The following SEMA4D variants were observed in gnomAD, a reference collection of about 807,000 sequenced individuals.
SEMA4D encodes semaphorin-4D.
Under a neutral mutation model 74.8 loss-of-function variants are expected in SEMA4D, and 22 were observed. The ratio of observed to expected loss-of-function variants is 0.29; its 90% CI spans 0.21 to 0.42. SEMA4D has a LOEUF of 0.42. Among genes scored for constraint, SEMA4D ranks in the 10% least tolerant of loss-of-function variants. SEMA4D has a pLI of 1.00. For missense variants in SEMA4D, 937 were observed against 1,118.4 expected (o/e 0.84, Z 2.31); for synonymous variants, 445 against 463.7 (o/e 0.96, Z 0.52).
chr9:89,465,921 C>T (rs1363027536), intron 1 of SEMA4D, among the ~76,000 whole-genome samples: 1 of 152,198 alleles, frequency 6.6e-6, no homozygotes, highest in Non-Finnish European at 1.5e-5. Flanking sequence ...CCAGCTTTAG[C>T]CGATGGGAAG....
chr9:89,492,364 CCTCTT>C lies in SEMA4D; in HGVS notation c.-310+5550_-310+5554del, dbSNP rs1825696117. Among the ~76,000 whole-genome samples, 3 of 152,100 alleles carry C rather than the reference CCTCTT, an allele frequency of 2.0e-5. No homozygotes were observed. Reference sequence around the variant, plus strand: ...TCTTGTTCCAGGCTCAGTCCTCGGACCTCTTCTCTTTTCCATCTACCTCAACTCCC... The same window carrying C: ...TCTTGTTCCAGGCTCAGTCCTCGGACCTCTTTTCCATCTACCTCAACTCCC... On this transcript the variant is annotated intron_variant, in intron 1 of 15. Coordinates refer to ENST00000422704, the MANE Select transcript of SEMA4D (RefSeq NM_001371194.2). This position sits in a 1 kb window ranked among gnomAD's most constrained non-coding sequence, Gnocchi z 4.3.
At chr9:89,368,656 TTC>T (rs1834063808) in intron 16 of SEMA4D, 1 of 152,392 alleles carries the variant, frequency 6.6e-6, no homozygotes, top group Non-Finnish European at 1.5e-5. Flanking sequence ...GACAGCTCCC[TTC>T]TCTGAGTCCT....
intron 1 of SEMA4D, among the ~76,000 whole-genome samples, chr9:89,470,659 A>G (rs1392506329): frequency 6.6e-6 from 1 of 152,226 alleles, no homozygotes; most frequent in African/African-American, 2.4e-5. Flanking sequence ...AGAAAAGCTC[A>G]TACACAAATG....
At chr9:89,485,813 A>G (rs1254844132) in intron 1 of SEMA4D, among the ~76,000 whole-genome samples, 1 of 94,680 alleles carries the variant, frequency 1.1e-5, no homozygotes, top group East Asian at 2.0e-4. Flanking sequence ...AAAAAAAAAA[A>G]AGAAAAAAAA....
At chr9:89,437,511 T>A (rs546423265) in intron 2 of SEMA4D, among the ~76,000 whole-genome samples, 1 of 151,986 alleles carries the variant, frequency 6.6e-6, no homozygotes, top group Non-Finnish European at 1.5e-5. Flanking sequence ...GCACCAACCC[T>A]AGCAGGCGGC....
At chr9:89,406,576 AG>A (rs1843367356) in intron 2 of SEMA4D, among the ~76,000 whole-genome samples, 1 of 152,202 alleles carries the variant, frequency 6.6e-6, no homozygotes, top group Admixed American at 6.5e-5. Flanking sequence ...GACTGGCCCA[AG>A]GGCGTCTAGC....
intron 6 of SEMA4D, among the ~76,000 whole-genome samples, chr9:89,394,908 T>C (rs1289064118): frequency 6.6e-6 from 1 of 152,138 alleles, no homozygotes; most frequent in Non-Finnish European, 1.5e-5. Flanking sequence ...TGAAGTTACA[T>C]AGGAAAATGT....
intron 1 of SEMA4D, among the ~76,000 whole-genome samples, chr9:89,474,932 C>T (rs1006314138): frequency 3.3e-5 from 5 of 152,252 alleles, no homozygotes; most frequent in Non-Finnish European, 7.3e-5. Flanking sequence ...CCAGAAAGCA[C>T]TTCTGAGAGC....
At chr9:89,412,565 C>A (rs1231371212) in intron 2 of SEMA4D, among the ~76,000 whole-genome samples, 2 of 152,180 alleles carry the variant, frequency 1.3e-5, no homozygotes, top group East Asian at 1.9e-4. Flanking sequence ...GGCACGGGCA[C>A]CCCCACCTGG....
At chr9:89,391,205 A>G (rs2133193802) in intron 9 of SEMA4D, 59 bp downstream of exon 9, 1 of 1,561,476 alleles carries the variant, frequency 6.4e-7, no homozygotes, top group East Asian at 2.3e-5. Context: ...GCCACCCATC[A>G]TCCAGGCACA....
Position 89,379,147 on chromosome 9 carries a change from T to C in SEMA4D, c.2146A>G (p.Thr716Ala), listed in dbSNP as rs773422803. ...TTCTCCGAGTGGAGCTGGGGGACCG[T>C]GTTGATGACGATCTTTGGTTCGCAG... ...TSCEPKIVIN[T>A]VPQLHSEKTM... The change falls in exon 16 of 16, where the codon ACG (threonine) becomes GCG (alanine). Residue 716 changes from threonine to alanine, a missense_variant. Thr to Ala is a moderately conservative substitution (Grantham distance 58). Transcript: ENST00000422704. 1.2e-6 allele frequency: 2 copies of C among 1,614,044 alleles called. No homozygotes were observed. Among genetic ancestry groups the C allele is most frequent in the Non-Finnish European group, 8.5e-7 (1 of 1,180,012 alleles).
chr9:89,373,797 G>A (rs535296250), downstream of SEMA4D, among the ~76,000 whole-genome samples: 3 of 152,292 alleles, frequency 2.0e-5, no homozygotes, highest in Admixed American at 6.5e-5. Flanking sequence ...CAGGCTCTGG[G>A]CCTCACCTGG....
intron 2 of SEMA4D, among the ~76,000 whole-genome samples, chr9:89,410,641 G>GA (rs969547802): frequency 4.6e-5 from 7 of 151,892 alleles, no homozygotes; most frequent in Admixed American, 2.0e-4. Context: ...GGAGCTCCGG[G>GA]AAAAAAAATG....
intron 2 of SEMA4D, among the ~76,000 whole-genome samples, chr9:89,453,700 C>G (rs1315756235): frequency 1.3e-5 from 2 of 152,208 alleles, no homozygotes; most frequent in Non-Finnish European, 2.9e-5. Context: ...GACTCAGCAT[C>G]ACAGGGCCTG....
intron 2 of SEMA4D, among the ~76,000 whole-genome samples, chr9:89,444,078 A>G (rs1402841031): frequency 1.3e-5 from 2 of 152,150 alleles, no homozygotes; most frequent in East Asian, 1.9e-4. Flanking sequence ...TTCTCTTTTC[A>G]CTGCTCCCCC....
chr9:89,477,687 G>C (rs1862118271), intron 1 of SEMA4D, among the ~76,000 whole-genome samples: 1 of 152,174 alleles, frequency 6.6e-6, no homozygotes, highest in Non-Finnish European at 1.5e-5. Flanking sequence ...GAAAATCGCA[G>C]AGAAAAAAAT....
intron 2 of SEMA4D, among the ~76,000 whole-genome samples, chr9:89,419,067 A>AC (rs924699436): frequency 6.7e-6 from 1 of 150,134 alleles, no homozygotes; most frequent in Non-Finnish European, 1.5e-5. Flanking sequence ...GCAGAACCTT[A>AC]GACACGGCCA....
intron 1 of SEMA4D, among the ~76,000 whole-genome samples, chr9:89,483,691 G>A (rs962941831): frequency 2.0e-5 from 2 of 101,358 alleles, no homozygotes; most frequent in Admixed American, 1.9e-4. Context: ...ATAGTTAAGG[G>A]CGGCTGTTAT....
At chr9:89,486,263 T>C (rs1280456297) in intron 1 of SEMA4D, among the ~76,000 whole-genome samples, 1 of 152,168 alleles carries the variant, frequency 6.6e-6, no homozygotes, top group African/African-American at 2.4e-5. Flanking sequence ...ATTCCTTCTA[T>C]ATGAAATTCT....
Sources: allele counts gnomAD v4.1 joint callset (sites outside exome capture counted in the v4.1 genomes callset), GRCh38; gene constraint gnomAD v4.1.1; non-coding constraint Gnocchi (gnomAD v3.1); transcripts MANE v1.5; gene names NCBI Gene and HGNC (gene_info 2026-07-23, HGNC 2026-07-21).